The following LSM6 variants were observed in gnomAD, a reference collection of about 807,000 sequenced individuals.
LSM6 encodes LSM6 homolog, U6 small nuclear RNA and mRNA degradation associated, also known as U6 snRNA-associated Sm-like protein LSm6.
A neutral mutation model predicts 13.5 loss-of-function variants in LSM6; 2 were observed. That is an observed-to-expected ratio of 0.15 (90% CI 0.06 to 0.47). LSM6 has a LOEUF of 0.47. LSM6 is among the 20% of genes least tolerant of loss of function. LSM6 has a pLI of 0.97. For missense variants in LSM6, 58 were observed against 96.4 expected, an observed-to-expected ratio of 0.60 and a Z score of 1.67; for synonymous variants, 43 against 34.9, an observed-to-expected ratio of 1.23 and a Z score of -0.82.
At chr4:146,181,924 G>C (rs575488044) in intron 1 of LSM6, among the ~76,000 whole-genome samples, 41 of 152,278 alleles carry the variant, frequency 2.7e-4, no homozygotes, top group African/African-American at 9.6e-4. Flanking sequence ...CTGTTGATTT[G>C]GGTGTGTAAT....
At chr4:146,184,286 T>G (rs6839123) in intron 2 of LSM6, among the ~76,000 whole-genome samples, 35,606 of 151,980 alleles carry the variant, frequency 0.23, 4,798 homozygotes, top group Non-Finnish European at 0.3. Flanking sequence ...ATAGCACAGG[T>G]TTTTGTGGCC....
At chr4:146,187,241 G>C in intron 2 of LSM6, 33 bp from the exon 3 acceptor site, 1 of 1,249,782 alleles carries the variant, frequency 8.0e-7, no homozygotes, top group Admixed American at 1.7e-5. Context: ...TATTTGCCTT[G>C]TGTATCTTCT....
At chr4:146,182,216 A>G (rs1325726152) in intron 1 of LSM6, among the ~76,000 whole-genome samples, 1 of 152,184 alleles carries the variant, frequency 6.6e-6, no homozygotes, top group Admixed American at 6.5e-5. Flanking sequence ...GGGTAGAGCA[A>G]TTTAAATTGA....
chr4:146,188,684 T>C (rs1730400309), intron 3 of LSM6, among the ~76,000 whole-genome samples: 1 of 152,168 alleles, frequency 6.6e-6, no homozygotes, highest in Non-Finnish European at 1.5e-5. Context: ...TCATTTTGTT[T>C]CATTCCTACG....
At chr4:146,178,364 C>A (rs1342278679) in intron 1 of LSM6, among the ~76,000 whole-genome samples, 2 of 152,170 alleles carry the variant, frequency 1.3e-5, no homozygotes, top group African/African-American at 4.8e-5. Context: ...GGACTCACTT[C>A]GCCTTTGGGA....
chr4:146,183,870 CTTT>C (rs1206702736), intron 2 of LSM6, among the ~76,000 whole-genome samples: 29 of 117,500 alleles, frequency 2.5e-4, no homozygotes, highest in South Asian at 5.6e-4. Context: ...GGGTAATTTT[CTTT>C]TTTTTTTTTT....
At chr4:146,188,403 G>C (rs915901644) in intron 3 of LSM6, among the ~76,000 whole-genome samples, 3 of 151,704 alleles carry the variant, frequency 2.0e-5, no homozygotes, top group Admixed American at 2.0e-4. Context: ...CTAGGACTTG[G>C]GGGGCAGGGT....
chr4:146,182,978 A>G lies in LSM6; in HGVS notation c.57A>G (p.Pro19=), dbSNP rs1730264204. 3.7e-6 allele frequency: 6 copies of G among 1,613,490 alleles called. No individual in the cohort carries two copies. The highest frequency in any genetic ancestry group is 5.1e-6 in the Non-Finnish European group (6 of 1,179,562). ...SDFLKQIIGR[P]VVVKLNSGVD... ...TCTTAAAGCAAATCATCGGACGACC[A>G]GTTGTGGTAAAATTAAATTCTGGAG... The change falls in exon 2 of 4, where the codon CCA becomes CCG. Residue 19 remains proline (P), a synonymous_variant. Transcript: ENST00000296581.
At chr4:146,184,624 G>T (rs1263437640) in intron 2 of LSM6, among the ~76,000 whole-genome samples, 1 of 152,120 alleles carries the variant, frequency 6.6e-6, no homozygotes, top group Non-Finnish European at 1.5e-5. Flanking sequence ...TAGACTTCTA[G>T]GGGTTTTAAT....
intron 2 of LSM6, 29 bp downstream of exon 2, chr4:146,183,044 G>A (rs1730265695): frequency 5.6e-6 from 8 of 1,435,898 alleles, no homozygotes; most frequent in African/African-American, 2.8e-5. Context: ...AACCTCACTG[G>A]TATAACTGAA....
chr4:146,183,270 G>A, intron 2 of LSM6: 1 of 342,838 alleles, frequency 2.9e-6, no homozygotes, highest in Non-Finnish European at 5.5e-6. Context: ...GATCATATGT[G>A]CCTAAATTCC....
At chr4:146,176,269 C>T (rs1730105927) in intron 1 of LSM6, 1 of 152,260 alleles carries the variant, frequency 6.6e-6, no homozygotes, top group African/African-American at 2.4e-5. Context: ...ATTGCGAACC[C>T]TCTCCTACAT....
intron 2 of LSM6, among the ~76,000 whole-genome samples, chr4:146,184,331 A>G (rs1435743760): frequency 6.6e-6 from 1 of 152,106 alleles, no homozygotes; most frequent in Non-Finnish European, 1.5e-5. Context: ...ATTAATAGTC[A>G]TAGTAATCTC....
chr4:146,176,382 C>G (rs1407202900), intron 1 of LSM6: 2 of 152,268 alleles, frequency 1.3e-5, no homozygotes, highest in African/African-American at 4.8e-5. Flanking sequence ...GTCCTATCGC[C>G]CAAGGTTTTC....
At chr4:146,176,591 G>A (rs1462122924) in intron 1 of LSM6, 1 of 152,060 alleles carries the variant, frequency 6.6e-6, no homozygotes, top group East Asian at 1.9e-4. Flanking sequence ...GTATGTGCTA[G>A]CTTCTACTTG....
At chr4:146,185,825 C>T (rs2110888482) in intron 2 of LSM6, among the ~76,000 whole-genome samples, 1 of 152,164 alleles carries the variant, frequency 6.6e-6, no homozygotes, top group Middle Eastern at 3.4e-3. Context: ...CAACCTCCGC[C>T]TCCCAAGTTC....
chr4:146,189,816 A>G lies in LSM6; in HGVS notation c.*160A>G. 1 of 555,510 alleles carries G rather than the reference A, an allele frequency of 1.8e-6. No individual in the cohort carries two copies. Among genetic ancestry groups the G allele is most frequent in the Non-Finnish European group, 3.2e-6 (1 of 313,734 alleles). 34.4% of individuals were successfully genotyped at this position (555,510 alleles called of 1,614,324 possible). A position where few individuals can be genotyped will look rare whatever the true frequency, so the allele number is the denominator to read the frequency against. On this transcript the variant is annotated 3_prime_UTR_variant, in exon 4 of 4. Transcript: ENST00000296581. ...ATAAATGTATACAATTGTGGATTTA[A>G]TTGTGAAATGTTCTTTCACTTGTAA...
chr4:146,175,847 C>G (rs1028861296), intron 1 of LSM6, 36 bp downstream of exon 1: 2 of 152,370 alleles, frequency 1.3e-5, no homozygotes, highest in Non-Finnish European at 2.9e-5. Flanking sequence ...ACGACGGGGC[C>G]GGGCGCAGCC....
intron 2 of LSM6, 125 bp downstream of exon 2, chr4:146,183,140 G>T (rs1730267971): frequency 3.2e-6 from 2 of 620,772 alleles, no homozygotes; most frequent in Non-Finnish European, 2.9e-6. Context: ...TAGTTTTTAT[G>T]CATATATCTT....
Sources: allele counts gnomAD v4.1 joint callset (sites outside exome capture counted in the v4.1 genomes callset), GRCh38; gene constraint gnomAD v4.1.1; transcripts MANE v1.5; gene names NCBI Gene and HGNC (gene_info 2026-07-23, HGNC 2026-07-21).